Variants in DOCK8 observed in about 807,000 individuals in gnomAD.
DOCK8 encodes dedicator of cytokinesis protein 8.
In DOCK8, 141 loss-of-function variants were observed where a neutral mutation model predicts 245.6. That is an observed-to-expected ratio of 0.57 (90% CI 0.50 to 0.66). The LOEUF (loss-of-function observed/expected upper bound fraction) is 0.66, where lower values mean the gene tolerates loss of function less well. DOCK8 is among the 30% of genes least tolerant of loss of function. The pLI is 0.00. For missense variants in DOCK8, 2,965 were observed against 2,603.4 expected (o/e 1.14, Z -3.02); for synonymous variants, 1,168 against 970.2 (o/e 1.20, Z -3.79).
At chr9:299,045 C>G (rs1378985974) in intron 4 of DOCK8, among the ~76,000 whole-genome samples, 2 of 152,106 alleles carry the variant, frequency 1.3e-5, no homozygotes, top group African/African-American at 4.8e-5. Flanking sequence ...AGAAACATCA[C>G]TGGTTCAGTA....
chr9:239,181 T>C (rs932460942), intron 1 of DOCK8, among the ~76,000 whole-genome samples: 2 of 152,186 alleles, frequency 1.3e-5, no homozygotes, highest in Non-Finnish European at 2.9e-5. Context: ...TCACAAAATT[T>C]ATCCCTCTGA....
At position 414,787 on chromosome 9, in the gene DOCK8, G is replaced by T. The variant is rs779346551; in HGVS notation, c.3536G>T (p.Ser1179Ile). Reference sequence around the variant, plus strand: ...TTCCTGTGTTGTGCCAACAGAATCAGCAAAGTACAAAGGAAAGCTGTCAGT... The same window carrying T: ...TTCCTGTGTTGTGCCAACAGAATCATCAAAGTACAAAGGAAAGCTGTCAGT... The part of the protein sequence containing the change: ...AALDAEGEGI[S>I]KVQRKAVSAI... Residue 1179 changes from serine to isoleucine, a missense_variant, in exon 29 of 48, where the codon AGC (serine) becomes ATC (isoleucine). By Grantham distance (142) the Ser-to-Ile change is moderately radical. Around this residue, in one of 3 missense-constraint regions of DOCK8, gnomAD observed 2,825 missense variants for 2,453.5 expected, o/e 1.15. Coordinates refer to ENST00000432829, the MANE Select transcript of DOCK8 (RefSeq NM_203447.4). 5 of 1,614,194 alleles carry T rather than the reference G, an allele frequency of 3.1e-6. No individual in the cohort carries two copies. The South Asian group carries it at 5.5e-5, about 18-fold the overall frequency.
At chr9:311,883 A>G in intron 5 of DOCK8, 71 bp from the exon 6 acceptor site, 1 of 1,576,606 alleles carries the variant, frequency 6.3e-7, no homozygotes, top group Middle Eastern at 2.0e-4. Flanking sequence ...GTCTTGAGAC[A>G]TCCAAGATTC....
intron 39 of DOCK8, among the ~76,000 whole-genome samples, chr9:435,611 A>G (rs1377272938): frequency 6.6e-6 from 1 of 152,172 alleles, no homozygotes; most frequent in Non-Finnish European, 1.5e-5. Flanking sequence ...CCACTCTCCA[A>G]TCCAAAAATC....
intron 1 of DOCK8, among the ~76,000 whole-genome samples, chr9:224,583 A>G (rs766804062): frequency 6.6e-6 from 1 of 152,100 alleles, no homozygotes; most frequent in Non-Finnish European, 1.5e-5. Flanking sequence ...GCTTCTTCTC[A>G]CTGCCATACA....
intron 1 of DOCK8, among the ~76,000 whole-genome samples, chr9:239,667 G>T (rs12342533): frequency 6.6e-6 from 1 of 151,994 alleles, no homozygotes; most frequent in African/African-American, 2.4e-5. Context: ...AGAAGTGCAG[G>T]TAAGCAAATA....
intron 15 of DOCK8, 87 bp downstream of exon 15, chr9:368,222 C>T: frequency 8.9e-7 from 1 of 1,123,144 alleles, no homozygotes; most frequent in Non-Finnish European, 1.4e-6. Context: ...CATCAGTGTA[C>T]AAAGTCCGTC....
chr9:241,790 C>T (rs954644561), intron 1 of DOCK8, among the ~76,000 whole-genome samples: 14 of 152,144 alleles, frequency 9.2e-5, no homozygotes, highest in Middle Eastern at 3.4e-3. Context: ...ATTCTATATT[C>T]CATATTAAAG....
chr9:305,730 A>T (rs2049796991), intron 5 of DOCK8, among the ~76,000 whole-genome samples: 4 of 152,250 alleles, frequency 2.6e-5, no homozygotes. Flanking sequence ...ACTCTAACAA[A>T]TAGAAGACAG....
At position 245,855 on chromosome 9, in the gene DOCK8, C is replaced by G. The variant is rs138944598; in HGVS notation, c.54-25772C>G. Among the ~76,000 whole-genome samples the G allele has an allele frequency of 5.7e-3, 869 of 152,242 alleles. 9 individuals carry two copies. Among genetic ancestry groups the G allele is most frequent in the Non-Finnish European group, 9.7e-3 (658 of 67,998 alleles). On this transcript the variant is annotated intron_variant, in intron 1 of 47. Coordinates refer to ENST00000432829, the MANE Select transcript of DOCK8 (RefSeq NM_203447.4). ...TGTAGATGCTAAAACTTTAAACTTG[C>G]TGGACAAAATGATAGGGGACTTTGA...
intron 17 of DOCK8, 115 bp downstream of exon 17, chr9:371,681 A>G: frequency 7.0e-7 from 1 of 1,424,836 alleles, no homozygotes; most frequent in Admixed American, 2.0e-5. Flanking sequence ...GAAGTAGCAA[A>G]ACATGCTAAG....
chr9:215,394 C>T (rs754505563), intron 1 of DOCK8: 1 of 1,566,602 alleles, frequency 6.4e-7, no homozygotes, highest in Non-Finnish European at 8.6e-7. Flanking sequence ...CGGAGTGTCT[C>T]ATAAACGGCT....
At chr9:419,905 T>C (rs996783242) in intron 30 of DOCK8, among the ~76,000 whole-genome samples, 10 of 152,364 alleles carry the variant, frequency 6.6e-5, no homozygotes, top group African/African-American at 2.4e-4. Context: ...ATGACCCTTA[T>C]GTTATACTTT....
At chr9:327,936 C>T in intron 8 of DOCK8, 86 bp from the exon 9 acceptor site, 1 of 1,329,328 alleles carries the variant, frequency 7.5e-7, no homozygotes, top group Non-Finnish European at 1.1e-6. Flanking sequence ...CAAAATTTCT[C>T]TGTGGTGTTT....
intron 14 of DOCK8, among the ~76,000 whole-genome samples, chr9:358,423 G>A (rs988728317): frequency 2.0e-5 from 3 of 152,188 alleles, no homozygotes; most frequent in African/African-American, 7.2e-5. Context: ...GTCTAAGGCA[G>A]TTATAGAGGT....
At chr9:215,857 G>T (rs1159367468) in intron 1 of DOCK8, 2 of 168,036 alleles carry the variant, frequency 1.2e-5, no homozygotes, top group African/African-American at 4.8e-5. Context: ...TTTTTGTCTT[G>T]CCCTGAGAAA....
At chr9:420,335 A>G in intron 30 of DOCK8, 66 bp from the exon 31 acceptor site, 2 of 1,571,544 alleles carry the variant, frequency 1.3e-6, no homozygotes, top group Non-Finnish European at 1.7e-6. Flanking sequence ...TTGACTGTTA[A>G]GCCTCAAATT....
intron 1 of DOCK8, among the ~76,000 whole-genome samples, chr9:248,115 G>A (rs1216314639): frequency 6.6e-6 from 1 of 152,188 alleles, no homozygotes; most frequent in African/African-American, 2.4e-5. Context: ...GGAGCAGAGA[G>A]CCTCATCTGA....
At chr9:222,142 G>A (rs1367798202) in intron 1 of DOCK8, among the ~76,000 whole-genome samples, 2 of 151,544 alleles carry the variant, frequency 1.3e-5, no homozygotes, top group Non-Finnish European at 2.9e-5. Flanking sequence ...GCATGCCTGT[G>A]GTCCCAGCTA....
Sources: gnomAD v4.1 joint callset for allele counts (sites outside exome capture counted in the v4.1 genomes callset) on GRCh38, gnomAD v4.1.1 for gene constraint, gnomAD v4.1.1 regional missense constraint, MANE v1.5 for transcripts, NCBI Gene and HGNC (gene_info 2026-07-23, HGNC 2026-07-21) for gene names.